ZCCHC7: variants seen among roughly 807,000 people sequenced by gnomAD.
ZCCHC7 encodes zinc finger CCHC domain-containing protein 7.
Under a neutral mutation model 52.0 loss-of-function variants are expected in ZCCHC7, and 35 were observed. The ratio of observed to expected loss-of-function variants is 0.67; its 90% CI spans 0.51 to 0.89. The LOEUF is 0.89. ZCCHC7 is among the 40% of genes least tolerant of loss of function. ZCCHC7 has a pLI of 0.00. For missense variants in ZCCHC7, 574 were observed against 649.1 expected (o/e 0.88, Z 1.26); for synonymous variants, 217 against 221.5 (o/e 0.98, Z 0.18).
intron 6 of ZCCHC7, among the ~76,000 whole-genome samples, chr9:37,348,447 T>C (rs1017313735): frequency 6.6e-6 from 1 of 151,674 alleles, no homozygotes; most frequent in Admixed American, 6.6e-5. Flanking sequence ...TGGTGCGATC[T>C]TGGCTCACTG....
chr9:37,139,009 C>T (rs1250309302), intron 2 of ZCCHC7, among the ~76,000 whole-genome samples: 3 of 151,828 alleles, frequency 2.0e-5, no homozygotes, highest in Non-Finnish European at 4.4e-5. Flanking sequence ...ATCATTATTT[C>T]CCCTTCTTAG....
intron 7 of ZCCHC7, 120 bp downstream of exon 7, chr9:37,349,572 C>A: frequency 1.0e-6 from 1 of 968,166 alleles, no homozygotes; most frequent in Non-Finnish European, 1.5e-6. Context: ...TAAAGTAAGA[C>A]TTAATATATT....
intron 2 of ZCCHC7, among the ~76,000 whole-genome samples, chr9:37,206,970 A>T (rs1823950636): frequency 6.6e-6 from 1 of 152,080 alleles, no homozygotes; most frequent in Non-Finnish European, 1.5e-5. Context: ...CTCCAAAAAA[A>T]AAAAAAATCG....
intron 2 of ZCCHC7, among the ~76,000 whole-genome samples, chr9:37,128,113 G>A (rs1842618837): frequency 6.6e-6 from 1 of 152,190 alleles, no homozygotes; most frequent in African/African-American, 2.4e-5. Flanking sequence ...ATGTTTGTAG[G>A]TAGAAAGAAA....
chr9:37,275,132 C>T (rs2133532766), intron 2 of ZCCHC7, among the ~76,000 whole-genome samples: 1 of 152,272 alleles, frequency 6.6e-6, no homozygotes, highest in Non-Finnish European at 1.5e-5. Context: ...GTAATCATCA[C>T]ATACTCAAAA....
At chr9:37,201,259 A>G (rs1291464080) in intron 2 of ZCCHC7, among the ~76,000 whole-genome samples, 1 of 152,212 alleles carries the variant, frequency 6.6e-6, no homozygotes, top group Non-Finnish European at 1.5e-5. Context: ...TTTTTGTATT[A>G]CAGTGGCTTC....
intron 6 of ZCCHC7, among the ~76,000 whole-genome samples, chr9:37,345,911 TTCA>T (rs1343440995): frequency 6.6e-6 from 1 of 152,228 alleles, no homozygotes; most frequent in African/African-American, 2.4e-5. Flanking sequence ...GCTACAGTTT[TTCA>T]TTTTAGGGAA....
Position 37,319,390 on chromosome 9 carries a change from T to C in ZCCHC7, c.952-8409T>C, listed in dbSNP as rs76973577. Among the ~76,000 whole-genome samples the C allele has an allele frequency of 6.1e-3, 935 of 152,308 alleles. 5 individuals carry two copies. Among genetic ancestry groups the C allele is most frequent in the African/African-American group, 0.021 (884 of 41,566 alleles). On this transcript the variant is annotated intron_variant, in intron 5 of 8. Transcript: ENST00000336755. ...TTTAAATTTAATGAAGTCCAACTTA[T>C]AAATTTGAACTCTTTACCCAACCCC...
chr9:37,193,226 A>G (rs948147768), intron 2 of ZCCHC7, among the ~76,000 whole-genome samples: 2 of 152,216 alleles, frequency 1.3e-5, no homozygotes, highest in African/African-American at 2.4e-5. Context: ...AAAAAAATCA[A>G]TAACTTTAAC....
At chr9:37,306,883 G>A (rs1368704470) in intron 5 of ZCCHC7, among the ~76,000 whole-genome samples, 1 of 138,862 alleles carries the variant, frequency 7.2e-6, no homozygotes, top group Non-Finnish European at 1.5e-5. Flanking sequence ...TGCCTCCCAG[G>A]TTCAAGTGAT....
At chr9:37,309,937 AT>A (rs1829515578) in intron 5 of ZCCHC7, among the ~76,000 whole-genome samples, 2 of 151,860 alleles carry the variant, frequency 1.3e-5, no homozygotes, top group South Asian at 2.1e-4. Context: ...AAAAAAAAAA[AT>A]GAAAGAAACT....
At chr9:37,206,674 C>A (rs1823934186) in intron 2 of ZCCHC7, among the ~76,000 whole-genome samples, 1 of 152,030 alleles carries the variant, frequency 6.6e-6, no homozygotes, top group African/African-American at 2.4e-5. Context: ...TGGCCAGTTT[C>A]TCTGGTATTT....
rs893563148 is a variant in ZCCHC7, at chr9:37,120,602, C to T, written c.-43C>T. On this transcript the variant is annotated 5_prime_UTR_variant, in exon 1 of 9. Coordinates refer to ENST00000336755, the MANE Select transcript of ZCCHC7 (RefSeq NM_032226.3). ...TACGCGTTTTGGTTCCCGGTTGGTG[C>T]TTCCTGTTCGCAGCTGCGGCAGTGA... 5.0e-6 allele frequency: 2 copies of T among 398,664 alleles called. No individual in the cohort carries two copies. Among genetic ancestry groups the T allele is most frequent in the South Asian group, 1.3e-4 (1 of 7,880 alleles). The allele number at this position is 398,664 out of a possible 1,614,324, so 24.7% of individuals were successfully genotyped here. A position where few individuals can be genotyped will look rare whatever the true frequency, so the allele number is the denominator to read the frequency against.
intron 2 of ZCCHC7, chr9:37,205,248 T>G: frequency 2.8e-6 from 1 of 351,618 alleles, no homozygotes; most frequent in East Asian, 7.8e-5. Flanking sequence ...ATGGTAACAT[T>G]TGTGAGGTGT....
intron 2 of ZCCHC7, among the ~76,000 whole-genome samples, chr9:37,143,661 C>G (rs1843322793): frequency 6.6e-6 from 1 of 151,352 alleles, no homozygotes; most frequent in Non-Finnish European, 1.5e-5. Flanking sequence ...TGCTTGAACT[C>G]TTTTTTTCTA....
chr9:37,319,424 C>T (rs900734530), intron 5 of ZCCHC7, among the ~76,000 whole-genome samples: 2 of 152,032 alleles, frequency 1.3e-5, no homozygotes, highest in Admixed American at 6.6e-5. Flanking sequence ...CCAGATCACA[C>T]AGTTTTTTGT....
intron 2 of ZCCHC7, among the ~76,000 whole-genome samples, chr9:37,168,688 A>G (rs937739864): frequency 1.3e-5 from 2 of 152,172 alleles, no homozygotes; most frequent in African/African-American, 2.4e-5. Context: ...GCTTGAGCCC[A>G]GGAGTTCAAG....
intron 2 of ZCCHC7, among the ~76,000 whole-genome samples, chr9:37,234,876 G>A (rs752395578): frequency 1.1e-4 from 17 of 152,086 alleles, no homozygotes; most frequent in African/African-American, 2.2e-4. Flanking sequence ...CTGCTATGTC[G>A]TTTTACCTGC....
At chr9:37,294,630 A>G (rs2133652545) in intron 2 of ZCCHC7, among the ~76,000 whole-genome samples, 1 of 152,350 alleles carries the variant, frequency 6.6e-6, no homozygotes, top group South Asian at 2.1e-4. Flanking sequence ...ATATAATGAT[A>G]GTTCATTAAA....
Sources: gnomAD v4.1 joint callset for allele counts (sites outside exome capture counted in the v4.1 genomes callset) on GRCh38, gnomAD v4.1.1 for gene constraint, MANE v1.5 for transcripts, NCBI Gene and HGNC (gene_info 2026-07-23, HGNC 2026-07-21) for gene names.